The following PKD2L2 variants were observed in gnomAD, a reference collection of about 807,000 sequenced individuals.
PKD2L2 encodes the protein polycystin-2-like protein 2.
PKD2L2 carries 67 observed loss-of-function variants against 83.9 expected under a neutral mutation model. That is an observed-to-expected ratio of 0.80 (90% confidence interval 0.66 to 0.98). The LOEUF is 0.98. Ranked by LOEUF, PKD2L2 falls within the 50% of genes least tolerant of loss-of-function variation. The pLI, the probability that PKD2L2 is intolerant of heterozygous loss-of-function variation, is 0.00. For synonymous variants in PKD2L2, 223 were observed against 237.8 expected, an observed-to-expected ratio of 0.94 and a Z score of 0.57; for missense variants, 632 against 717.2, an observed-to-expected ratio of 0.88 and a Z score of 1.36.
At chr5:137,897,965 A>G (rs953233874) in intron 4 of PKD2L2, among the ~76,000 whole-genome samples, 1 of 151,878 alleles carries the variant, frequency 6.6e-6, no homozygotes, top group Admixed American at 6.6e-5. Context: ...GAAACAAAAA[A>G]AAAATTTTTT....
At chr5:137,939,291 A>G (rs1760993896) in intron 14 of PKD2L2, 4 of 152,632 alleles carry the variant, frequency 2.6e-5, no homozygotes, top group African/African-American at 9.6e-5. Context: ...CTTGTTAAGA[A>G]CAGATTTACT....
Position 137,941,216 on chromosome 5 carries a change from A to AT in PKD2L2, c.*18-1159dup, listed in dbSNP as rs1053711249. Among the ~76,000 whole-genome samples, 9 of 151,566 alleles carry AT rather than the reference A, an allele frequency of 5.9e-5. No homozygotes were observed. The East Asian group carries it at 7.8e-4, about 13-fold the overall frequency. On this transcript the variant is annotated intron_variant, in intron 14 of 14. Transcript: ENST00000508883. ...AGCCACTGCGCCTGGCCCACTTCAG[A>AT]TTTTTTTTTAACCATATGTGCCAAC...
At chr5:137,901,136 C>CA (rs368207131) in intron 5 of PKD2L2, among the ~76,000 whole-genome samples, 16,588 of 118,336 alleles carry the variant, frequency 0.14, 1,016 homozygotes, top group Middle Eastern at 0.18. Context: ...AACTGTGTCT[C>CA]AAAAAAAAAA....
At chr5:137,940,033 A>G in intron 14 of PKD2L2, 1 of 1,612,904 alleles carries the variant, frequency 6.2e-7, no homozygotes, top group South Asian at 1.1e-5. Context: ...AATATGGAAC[A>G]TCACTTACGC....
rs776707147 is a variant in PKD2L2, at chr5:137,892,507, T to C, written c.161T>C (p.Met54Thr). 1.3e-6 allele frequency: 2 copies of C among 1,589,548 alleles called. No individual in the cohort carries two copies. The highest frequency in any genetic ancestry group is 1.7e-6 in the Non-Finnish European group (2 of 1,164,164). ...ACTTTTGGGATGGTAAACCCACATA[T>C]GTATTACTTAAACAAGGTTATGTCA... ...ILTFGMVNPH[M>T]YYLNKVMSSL... Residue 54 changes from methionine to threonine, a missense_variant, in exon 3 of 15, where the codon ATG (methionine) becomes ACG (threonine). Physicochemically the swap from Met to Thr is moderately conservative, Grantham distance 81. Transcript: ENST00000508883.
chr5:137,889,736 G>C (rs1561669476), intron 1 of PKD2L2, among the ~76,000 whole-genome samples: 1 of 152,218 alleles, frequency 6.6e-6, no homozygotes. Flanking sequence ...CTCGCCTCTT[G>C]CCGGAGGCTC....
At chr5:137,924,545 C>T (rs1366855665) in intron 10 of PKD2L2, among the ~76,000 whole-genome samples, 1 of 152,170 alleles carries the variant, frequency 6.6e-6, no homozygotes, top group Non-Finnish European at 1.5e-5. Context: ...CCAGTTTGGC[C>T]ATCTCTGCAT....
In PKD2L2 at chr5:137,935,838, G is replaced by A. The variant is rs1760285750; in HGVS notation, c.1713G>A (p.Arg571=). 6.2e-7 allele frequency: 1 copy of A among 1,611,636 alleles called. No individual in the cohort carries two copies. Among genetic ancestry groups the A allele is most frequent in the African/African-American group, 1.3e-5 (1 of 74,880 alleles). Residue 571 remains arginine (R), a synonymous_variant, in exon 13 of 15, where the codon AGG becomes AGA. Coordinates refer to ENST00000508883, the MANE Select transcript of PKD2L2 (RefSeq NM_001300921.2). The part of the protein sequence containing the change: ...NAEQMKKWKE[R]LEKKYYSMEI... ...AGCAGATGAAAAAATGGAAAGAGAG[G>A]CTTGAGAAAAAGTATTATTCTATGG...
At chr5:137,913,916 G>A (rs1255349642) in intron 8 of PKD2L2, among the ~76,000 whole-genome samples, 1 of 147,966 alleles carries the variant, frequency 6.8e-6, no homozygotes, top group African/African-American at 2.5e-5. Flanking sequence ...CACTCAGGCT[G>A]GAGTGCAATG....
chr5:137,917,472 TTC>T (rs1367919397), intron 8 of PKD2L2, among the ~76,000 whole-genome samples: 1 of 152,196 alleles, frequency 6.6e-6, no homozygotes, highest in African/African-American at 2.4e-5. Context: ...TTCACTTTTC[TTC>T]TTTTTTCTGT....
intron 5 of PKD2L2, among the ~76,000 whole-genome samples, chr5:137,903,976 G>A (rs1321811980): frequency 5.9e-5 from 9 of 152,100 alleles, no homozygotes; most frequent in Admixed American, 2.6e-4. Context: ...GGCTGGTTTC[G>A]AACTCCTGAC....
intron 8 of PKD2L2, among the ~76,000 whole-genome samples, chr5:137,918,949 TGTGTGTGTGTGTGTGTGTGA>T (rs1758635553): frequency 6.8e-6 from 1 of 147,338 alleles, no homozygotes; most frequent in Non-Finnish European, 1.5e-5. Context: ...GCACAATGTG[TGTGTGTGTGTGTGTGTGTGA>T]GTGTGTGTGT....
intron 9 of PKD2L2, 89 bp from the exon 10 acceptor site, chr5:137,923,331 A>G: frequency 1.4e-6 from 1 of 694,378 alleles, no homozygotes. Flanking sequence ...TAAAATTTAA[A>G]TATAATTTTA....
At position 137,894,532 on chromosome 5, in the gene PKD2L2, T is replaced by C. The variant is rs771918022; in HGVS notation, c.447T>C (p.Ser149=). 6.2e-7 allele frequency: 1 copy of C among 1,613,488 alleles called. No homozygotes were observed. The highest frequency in any genetic ancestry group is 1.1e-5 in the South Asian group (1 of 91,074). Residue 149 remains serine (S), a synonymous_variant, in exon 4 of 15, where the codon TCT becomes TCC. Coordinates refer to ENST00000508883, the MANE Select transcript of PKD2L2 (RefSeq NM_001300921.2). ...NTCKVYSSFQ[S]LMSECYGKYT... is the part of the protein sequence containing the mutation. ...GCAAAGTCTATTCATCTTTTCAGTCTTTGATGAGTGAATGTTATGGCAAAT... is the reference window on the plus strand; with the variant it reads ...GCAAAGTCTATTCATCTTTTCAGTCCTTGATGAGTGAATGTTATGGCAAAT...
intron 4 of PKD2L2, among the ~76,000 whole-genome samples, chr5:137,895,092 T>C (rs545586685): frequency 4.3e-4 from 65 of 152,314 alleles, no homozygotes; most frequent in African/African-American, 1.5e-3. Context: ...CTGCATCTGA[T>C]GATGCTTTAC....
chr5:137,920,505 T>C (rs1468898299), intron 8 of PKD2L2, among the ~76,000 whole-genome samples: 1 of 152,052 alleles, frequency 6.6e-6, no homozygotes, highest in Non-Finnish European at 1.5e-5. Flanking sequence ...ATGCTTGTAA[T>C]CCCAGCACTT....
At chr5:137,916,556 C>T (rs890040759) in intron 8 of PKD2L2, among the ~76,000 whole-genome samples, 14 of 149,272 alleles carry the variant, frequency 9.4e-5, no homozygotes, top group Non-Finnish European at 1.9e-4. Flanking sequence ...CTCAGCTCAC[C>T]GCAGCCTCAA....
At chr5:137,936,491 T>A (rs777364286) in intron 14 of PKD2L2, 64 bp downstream of exon 14, 232 of 1,375,358 alleles carry the variant, frequency 1.7e-4, no homozygotes, top group Non-Finnish European at 2.2e-4. Flanking sequence ...AGTCTCGCTC[T>A]AACGCCCAGG....
At position 137,929,534 on chromosome 5, in the gene PKD2L2, CAAAAA is replaced by C. The variant is rs756601170; in HGVS notation, c.1671+3626_1671+3630del. 2.3e-3 allele frequency among the ~76,000 whole-genome samples: 8 copies of C among 3,438 alleles called. No homozygotes were observed. In the South Asian group the frequency reaches 0.043, roughly 18 times the overall value. The allele number at this position is 3,438 out of a possible 152,430, so 2.3% of individuals were successfully genotyped here. ...ATATATTTCTATAGGACAAAATTGC[CAAAAA>C]AAAAAAAAAAAAAAAAAAAACAGAC... On this transcript the variant is annotated intron_variant, in intron 12 of 14. Transcript: ENST00000508883.
Sources: gnomAD v4.1 joint callset for allele counts (sites outside exome capture counted in the v4.1 genomes callset) on GRCh38, gnomAD v4.1.1 for gene constraint, MANE v1.5 for transcripts, NCBI Gene and HGNC (gene_info 2026-07-23, HGNC 2026-07-21) for gene names.